The following MALRD1 variants were observed in gnomAD, a reference collection of about 807,000 sequenced individuals.
MALRD1 encodes MAM and LDL-receptor class A domain-containing protein 1.
MALRD1 carries 247 observed loss-of-function variants against 242.1 expected under a neutral mutation model. The ratio of observed to expected loss-of-function variants is 1.02; its 90% CI spans 0.92 to 1.13. MALRD1 has a LOEUF of 1.13. Among genes scored for constraint, MALRD1 ranks in the 50% most tolerant of loss-of-function variants. The pLI, the probability that MALRD1 is intolerant of heterozygous loss-of-function variation, is 0.00. For missense variants in MALRD1, 2,989 were observed against 2,533.1 expected, an observed-to-expected ratio of 1.18 and a Z score of -3.86; for synonymous variants, 995 against 866.6, an observed-to-expected ratio of 1.15 and a Z score of -2.60.
At chr10:19,104,689 G>T (rs1836400293) in intron 5 of MALRD1, among the ~76,000 whole-genome samples, 1 of 151,844 alleles carries the variant, frequency 6.6e-6, no homozygotes, top group Non-Finnish European at 1.5e-5. Flanking sequence ...ATATTTCAGG[G>T]TTTTAAGAAT....
intron 32 of MALRD1, 115 bp from the exon 33 acceptor site, chr10:19,567,387 G>A: frequency 1.2e-6 from 1 of 854,736 alleles, no homozygotes. Flanking sequence ...AAATACAATA[G>A]TCAATGTATT....
At chr10:19,083,440 T>A (rs1049505968) in intron 2 of MALRD1, among the ~76,000 whole-genome samples, 3 of 151,998 alleles carry the variant, frequency 2.0e-5, no homozygotes, top group African/African-American at 7.2e-5. Flanking sequence ...TCCCTATCGA[T>A]GTCTCATTCT....
At chr10:19,295,185 A>G (rs1166807890) in intron 21 of MALRD1, among the ~76,000 whole-genome samples, 3 of 152,028 alleles carry the variant, frequency 2.0e-5, no homozygotes, top group Non-Finnish European at 4.4e-5. Context: ...TACACAGTAG[A>G]ATTTTGTGTT....
At chr10:19,485,610 T>C (rs1837201472) in intron 29 of MALRD1, among the ~76,000 whole-genome samples, 2 of 149,332 alleles carry the variant, frequency 1.3e-5, no homozygotes, top group Admixed American at 1.3e-4. Flanking sequence ...GCCACTGCAC[T>C]CCAGCCTGGG....
Position 19,105,406 on chromosome 10 carries a change from A to T in MALRD1, c.694+1331A>T, listed in dbSNP as rs140817478. On this transcript the variant is annotated intron_variant, in intron 5 of 39. Transcript: ENST00000454679. The stretch of plus-strand genomic sequence containing the variant: ...GTATGTTACCACATTTTCTTTATCC[A>T]TTTGTCCATTGATGGACACTTAGGT... Among the ~76,000 whole-genome samples the T allele has an allele frequency of 1.1e-4, 17 of 152,150 alleles. 1 individual carries two copies. In the East Asian group the frequency reaches 3.3e-3, roughly 29 times the overall value.
At chr10:19,176,083 A>G (rs978391919) in intron 14 of MALRD1, among the ~76,000 whole-genome samples, 4 of 152,136 alleles carry the variant, frequency 2.6e-5, no homozygotes, top group East Asian at 3.9e-4. Flanking sequence ...GAATCTGACA[A>G]TATTAAAAAT....
rs79498988 is a variant in MALRD1, at chr10:19,070,035, A to G, written c.340+3176A>G. ...ATGCTGTTAGATGAAATCTCCGCATATATTTTGATTTTGTTTTCTGGTTTT... is the reference window on the plus strand; with the variant it reads ...ATGCTGTTAGATGAAATCTCCGCATGTATTTTGATTTTGTTTTCTGGTTTT... On this transcript the variant is annotated intron_variant, in intron 2 of 39. Transcript: ENST00000454679. Among the ~76,000 whole-genome samples the G allele has an allele frequency of 1.1e-3, 160 of 152,104 alleles. 1 individual carries two copies. The highest frequency in any genetic ancestry group is 3.7e-3 in the African/African-American group (155 of 41,498).
chr10:19,218,097 A>T (rs1334288669), intron 18 of MALRD1, among the ~76,000 whole-genome samples: 1 of 152,108 alleles, frequency 6.6e-6, no homozygotes, highest in Non-Finnish European at 1.5e-5. Flanking sequence ...TGGAGCTAGT[A>T]TGTCGGCTCA....
rs1487477928 is a variant in MALRD1, at chr10:19,288,569, T to C, written c.3419+5388T>C. Among the ~76,000 whole-genome samples, 3 of 152,040 alleles carry C rather than the reference T, an allele frequency of 2.0e-5. No individual in the cohort carries two copies. In the East Asian group the frequency reaches 5.8e-4, roughly 29 times the overall value. On this transcript the variant is annotated intron_variant, in intron 21 of 39. Transcript: ENST00000454679. ...GTAATAATTATTTTAAGTAGGGATT[T>C]TCTGACCTCATTTTGTTCTTTGTTA...
At chr10:19,534,455 G>A (rs917491949) in intron 32 of MALRD1, among the ~76,000 whole-genome samples, 1 of 151,960 alleles carries the variant, frequency 6.6e-6, no homozygotes, top group African/African-American at 2.4e-5. Context: ...CTCTAATTTC[G>A]GTATTACAGT....
At chr10:19,253,538 T>A (rs1234251513) in intron 18 of MALRD1, among the ~76,000 whole-genome samples, 1 of 151,932 alleles carries the variant, frequency 6.6e-6, no homozygotes, top group Non-Finnish European at 1.5e-5. Flanking sequence ...CAGCACATAC[T>A]CAAGTCCTGC....
chr10:19,435,656 A>G (rs1449237138), intron 28 of MALRD1, among the ~76,000 whole-genome samples: 2 of 152,176 alleles, frequency 1.3e-5, no homozygotes, highest in East Asian at 3.9e-4. Context: ...AGTCCGTAGT[A>G]TCAAAATGCA....
chr10:19,381,130 A>G (rs941182395), intron 26 of MALRD1, among the ~76,000 whole-genome samples: 1 of 143,552 alleles, frequency 7.0e-6, no homozygotes, highest in Non-Finnish European at 1.5e-5. Context: ...TCATTGTTCA[A>G]TTCCCACCTG....
At chr10:19,586,600 T>C (rs963779913) in intron 33 of MALRD1, among the ~76,000 whole-genome samples, 9 of 152,200 alleles carry the variant, frequency 5.9e-5, no homozygotes, top group African/African-American at 2.2e-4. Flanking sequence ...TCTCTAGCTG[T>C]GTACTGGGAG....
At chr10:19,082,137 A>G (rs969136912) in intron 2 of MALRD1, among the ~76,000 whole-genome samples, 2 of 151,562 alleles carry the variant, frequency 1.3e-5, no homozygotes, top group African/African-American at 4.8e-5. Flanking sequence ...GATGTTTTCT[A>G]GTGTATTATA....
intron 1 of MALRD1, among the ~76,000 whole-genome samples, chr10:19,064,249 TG>T (rs753327047): frequency 1.3e-5 from 2 of 152,204 alleles, no homozygotes; most frequent in Non-Finnish European, 2.9e-5. Flanking sequence ...TTCATTATAT[TG>T]TCCAACTGTG....
chr10:19,567,865 T>C (rs991267906), intron 33 of MALRD1, among the ~76,000 whole-genome samples, 162 bp downstream of exon 33: 4 of 152,226 alleles, frequency 2.6e-5, no homozygotes, highest in African/African-American at 9.6e-5. Flanking sequence ...TCTCTGCCTA[T>C]GAACTTCGCC....
intron 33 of MALRD1, among the ~76,000 whole-genome samples, chr10:19,581,588 A>G (rs1177191682): frequency 6.7e-6 from 1 of 148,244 alleles, no homozygotes; most frequent in Admixed American, 6.8e-5. Context: ...CATGGTGTAT[A>G]TGTGCCACAT....
chr10:19,049,265 T>A, intron 1 of MALRD1, 128 bp downstream of exon 1: 2 of 607,788 alleles, frequency 3.3e-6, no homozygotes, highest in Non-Finnish European at 4.8e-6. Flanking sequence ...ACCTTTAGTG[T>A]AGATCAGAAA....
Sources: allele counts gnomAD v4.1 joint callset (sites outside exome capture counted in the v4.1 genomes callset), GRCh38; gene constraint gnomAD v4.1.1; transcripts MANE v1.5; gene names NCBI Gene and HGNC (gene_info 2026-07-23, HGNC 2026-07-21).